EXOC4: variants seen among roughly 807,000 people sequenced by gnomAD.
EXOC4 encodes SEC8-like 1.
Under a neutral mutation model 107.2 loss-of-function variants are expected in EXOC4, and 71 were observed. That is an observed-to-expected ratio of 0.66 (90% CI 0.55 to 0.81). EXOC4 has a LOEUF of 0.81. EXOC4 is among the 30% of genes least tolerant of loss of function. EXOC4 has a pLI of 0.00. For missense variants in EXOC4, 1,108 were observed against 1,189.6 expected (o/e 0.93, Z 1.01); for synonymous variants, 456 against 441.2 (o/e 1.03, Z -0.42).
chr7:133,331,199 T>G (rs946504166), intron 5 of EXOC4, among the ~76,000 whole-genome samples: 19 of 151,912 alleles, frequency 1.3e-4, no homozygotes, highest in African/African-American at 4.6e-4. Context: ...TACATATTAA[T>G]GAAGAAAAGA....
chr7:134,030,536 C>T (rs1340162178), intron 17 of EXOC4, among the ~76,000 whole-genome samples: 1 of 152,140 alleles, frequency 6.6e-6, no homozygotes, highest in South Asian at 2.1e-4. Flanking sequence ...CAGCTTAGCA[C>T]CGCTGATGAG....
At chr7:133,755,313 T>TTATATATATATTA (rs1491562880) in intron 10 of EXOC4, among the ~76,000 whole-genome samples, 40 of 103,156 alleles carry the variant, frequency 3.9e-4, no homozygotes, top group African/African-American at 1.6e-3. Context: ...TATATATATA[T>TTATATATATATTA]TATATATATA....
chr7:133,728,014 G>A (rs1187070777), intron 10 of EXOC4, among the ~76,000 whole-genome samples: 1 of 151,800 alleles, frequency 6.6e-6, no homozygotes, highest in Non-Finnish European at 1.5e-5. Flanking sequence ...AATCATTGCC[G>A]ACTTGGCAGT....
intron 5 of EXOC4, among the ~76,000 whole-genome samples, chr7:133,338,430 A>G (rs1243034946): frequency 4.9e-4 from 73 of 149,202 alleles, no homozygotes; most frequent in African/African-American, 1.6e-3. Context: ...CGTCTCTACT[A>G]AAAATACAAA....
chr7:134,095,911 A>G, the EXOC4 span, among the ~76,000 whole-genome samples: 4 of 152,180 alleles, frequency 2.6e-5, no homozygotes, highest in Non-Finnish European at 5.9e-5. Flanking sequence ...GCTCTGGGAA[A>G]TAATTTATGA....
intron 7 of EXOC4, among the ~76,000 whole-genome samples, chr7:133,425,515 A>C (rs937699145): frequency 6.6e-6 from 1 of 151,988 alleles, no homozygotes; most frequent in African/African-American, 2.4e-5. Context: ...TCGAACTCCT[A>C]AGCTCAGGCA....
At position 133,630,136 on chromosome 7, in the gene EXOC4, A is replaced by G. The variant is rs2151014898; in HGVS notation, c.1509A>G (p.Leu503=). Residue 503 remains leucine (L), a synonymous_variant, in exon 10 of 18, where the codon TTA becomes TTG. Transcript: ENST00000253861. Reference sequence around the variant, plus strand: ...ACATTACCGTCATATTCCACCCATTACTAAGGTAAGTCAAGTGCTATGATA... The same window carrying G: ...ACATTACCGTCATATTCCACCCATTGCTAAGGTAAGTCAAGTGCTATGATA... The part of the protein sequence containing the change: ...ARNITVIFHP[L]LRFIQEIEHA... 1 of 1,612,002 alleles carries G rather than the reference A, an allele frequency of 6.2e-7. No individual in the cohort carries two copies. Among genetic ancestry groups the G allele is most frequent in the East Asian group, 2.2e-5 (1 of 44,832 alleles).
chr7:133,720,384 G>A (rs1049684533), intron 10 of EXOC4, among the ~76,000 whole-genome samples: 24 of 152,152 alleles, frequency 1.6e-4, no homozygotes, highest in African/African-American at 5.6e-4. Context: ...TTTAATGAAT[G>A]TTGCGTATAA....
At chr7:133,977,551 C>T (rs916354472) in intron 14 of EXOC4, among the ~76,000 whole-genome samples, 1 of 152,202 alleles carries the variant, frequency 6.6e-6, no homozygotes, top group African/African-American at 2.4e-5. Flanking sequence ...CTATCCCTGC[C>T]TTGGCTCACA....
intron 9 of EXOC4, among the ~76,000 whole-genome samples, chr7:133,500,979 G>T (rs1222971235): frequency 6.6e-6 from 1 of 152,044 alleles, no homozygotes; most frequent in Non-Finnish European, 1.5e-5. Context: ...AATAACTTGT[G>T]TCTACCTCCA....
At chr7:133,387,237 A>G (rs1051817090) in intron 7 of EXOC4, among the ~76,000 whole-genome samples, 5 of 152,228 alleles carry the variant, frequency 3.3e-5, no homozygotes, top group African/African-American at 1.2e-4. Context: ...AGAGGTTTAC[A>G]GAAGGCAAAT....
At chr7:133,535,694 C>T (rs1277766543) in intron 9 of EXOC4, among the ~76,000 whole-genome samples, 2 of 152,092 alleles carry the variant, frequency 1.3e-5, no homozygotes, top group Non-Finnish European at 2.9e-5. Flanking sequence ...TGATTTCTAC[C>T]TTATACGTTT....
chr7:133,711,399 A>C (rs1465560899), intron 10 of EXOC4, among the ~76,000 whole-genome samples: 1 of 152,216 alleles, frequency 6.6e-6, no homozygotes, highest in African/African-American at 2.4e-5. Context: ...TTTTTGTGGA[A>C]GGATGCACAA....
rs34350149 is a variant in EXOC4, at chr7:133,884,581, C to CTGTGTGTGTGTG, written c.1735-10989_1735-10978dup. ...CTCTCAGGTGTGCTTGCCCTATGCT[C>CTGTGTGTGTGTG]TGTGTGTGTGTGTGTGTGTGTGTGT... On this transcript the variant is annotated intron_variant, in intron 11 of 17. Coordinates refer to ENST00000253861, the MANE Select transcript of EXOC4 (RefSeq NM_021807.4). 3.1e-3 allele frequency among the ~76,000 whole-genome samples: 440 copies of CTGTGTGTGTGTG among 143,716 alleles called. 5 individuals are homozygous for CTGTGTGTGTGTG. Among genetic ancestry groups the CTGTGTGTGTGTG allele is most frequent in the African/African-American group, 0.01 (385 of 38,378 alleles). 94.3% of individuals were successfully genotyped at this position (143,716 alleles called of 152,430 possible).
At chr7:133,439,093 C>T (rs1397883410) in intron 7 of EXOC4, among the ~76,000 whole-genome samples, 2 of 151,130 alleles carry the variant, frequency 1.3e-5, no homozygotes, top group Admixed American at 6.6e-5. Context: ...TACCACTGTT[C>T]CTTTCAGTCA....
intron 17 of EXOC4, among the ~76,000 whole-genome samples, chr7:134,052,096 G>A (rs1015916235): frequency 2.6e-5 from 4 of 152,162 alleles, no homozygotes; most frequent in Admixed American, 1.3e-4. Context: ...CCATGAAGAC[G>A]TCATTGACGA....
intron 10 of EXOC4, among the ~76,000 whole-genome samples, chr7:133,788,496 T>C (rs1267371676): frequency 6.6e-6 from 1 of 152,002 alleles, no homozygotes; most frequent in Non-Finnish European, 1.5e-5. Context: ...TCAAAACTTC[T>C]CTCTTTTTTT....
intron 10 of EXOC4, among the ~76,000 whole-genome samples, chr7:133,780,840 C>T (rs1585140209): frequency 6.6e-6 from 1 of 152,184 alleles, no homozygotes; most frequent in South Asian, 2.1e-4. Context: ...TCCATGGCTG[C>T]CACACCCCTG....
At chr7:133,478,608 A>T (rs1490032287) in intron 8 of EXOC4, among the ~76,000 whole-genome samples, 2 of 152,166 alleles carry the variant, frequency 1.3e-5, no homozygotes, top group Non-Finnish European at 2.9e-5. Flanking sequence ...AGTACCAAAA[A>T]TACATCAAGT....
Sources: allele counts gnomAD v4.1 joint callset (sites outside exome capture counted in the v4.1 genomes callset), GRCh38; gene constraint gnomAD v4.1.1; transcripts MANE v1.5; gene names NCBI Gene and HGNC (gene_info 2026-07-23, HGNC 2026-07-21).